Variants in ADAMTSL1 observed in about 807,000 individuals in gnomAD.
ADAMTSL1 encodes ADAMTS-like protein 1.
A neutral mutation model predicts 201.8 loss-of-function variants in ADAMTSL1; 126 were observed. The ratio of observed to expected loss-of-function variants is 0.62; its 90% CI spans 0.54 to 0.72. The LOEUF (loss-of-function observed/expected upper bound fraction) is 0.72. Among genes scored for constraint, ADAMTSL1 ranks in the 30% least tolerant of loss-of-function variants. The pLI, the probability that ADAMTSL1 is intolerant of heterozygous loss-of-function variation, is 0.00. For synonymous variants in ADAMTSL1, 1,121 were observed against 903.4 expected (o/e 1.24, Z -4.32); for missense variants, 2,679 against 2,277.8 (o/e 1.18, Z -3.59).
chr9:18,618,145 T>C (rs1463395083), intron 4 of ADAMTSL1, among the ~76,000 whole-genome samples: 1 of 152,204 alleles, frequency 6.6e-6, no homozygotes, highest in Non-Finnish European at 1.5e-5. Context: ...GCAATTCTTG[T>C]TGATGCATCA....
chr9:18,800,861 C>G (rs113922462), intron 20 of ADAMTSL1, among the ~76,000 whole-genome samples: 5 of 152,076 alleles, frequency 3.3e-5, no homozygotes, highest in Non-Finnish European at 7.4e-5. Flanking sequence ...GTGGAACATG[C>G]GAAGAATTTG....
intron 3 of ADAMTSL1, among the ~76,000 whole-genome samples, chr9:18,543,570 A>C (rs78153074): frequency 6.6e-6 from 1 of 152,216 alleles, no homozygotes; most frequent in Non-Finnish European, 1.5e-5. Flanking sequence ...TTCAAAACAC[A>C]TCATTTCTTT....
chr9:18,486,183 C>T (rs1261052069), intron 1 of ADAMTSL1, among the ~76,000 whole-genome samples: 1 of 152,134 alleles, frequency 6.6e-6, no homozygotes, highest in Non-Finnish European at 1.5e-5. Context: ...TTATTCAAGG[C>T]CTCCCAGTTA....
chr9:17,928,598 A>G (rs1199671710), intron 1 of ADAMTSL1, among the ~76,000 whole-genome samples: 3 of 152,132 alleles, frequency 2.0e-5, no homozygotes, highest in South Asian at 2.1e-4. Flanking sequence ...TCAACAATCC[A>G]GGAGCATGAC....
chr9:18,431,462 T>C, intron 2 of ADAMTSL1, among the ~76,000 whole-genome samples: 1 of 152,164 alleles, frequency 6.6e-6, no homozygotes, highest in Non-Finnish European at 1.5e-5. Flanking sequence ...AAGACCCAGA[T>C]TTCTGAAATT....
At chr9:18,245,041 T>C (rs1831207193) in intron 2 of ADAMTSL1, among the ~76,000 whole-genome samples, 1 of 152,186 alleles carries the variant, frequency 6.6e-6, no homozygotes, top group African/African-American at 2.4e-5. Flanking sequence ...AGTTTGTATC[T>C]GACGAAGACC....
chr9:18,642,408 C>T (rs1219480773), intron 7 of ADAMTSL1, among the ~76,000 whole-genome samples: 1 of 151,982 alleles, frequency 6.6e-6, no homozygotes, highest in Non-Finnish European at 1.5e-5. Context: ...ATATGTGTTA[C>T]TTCACATATT....
chr9:18,724,578 C>T (rs947492348), intron 15 of ADAMTSL1, among the ~76,000 whole-genome samples: 4 of 152,186 alleles, frequency 2.6e-5, no homozygotes, highest in African/African-American at 9.7e-5. Flanking sequence ...TAGTCATTTT[C>T]TGTTAGAAGA....
chr9:18,303,833 G>C lies in ADAMTSL1; in HGVS notation c.207+139852G>C, dbSNP rs142356353. On this transcript the variant is annotated intron_variant, in intron 2 of 29. Transcript: ENST00000680146. ...AATGCTGGAGTCCATTTGCTATTTT[G>C]ACCTGGGCTTGGAATATCCTGCTTT... 8.2e-3 allele frequency among the ~76,000 whole-genome samples: 1,248 copies of C among 152,174 alleles called. 19 individuals are homozygous for C. The highest frequency in any genetic ancestry group is 0.042 in the South Asian group (204 of 4,816).
chr9:18,796,216 C>T (rs2133844873), intron 20 of ADAMTSL1, among the ~76,000 whole-genome samples: 1 of 152,302 alleles, frequency 6.6e-6, no homozygotes, highest in Non-Finnish European at 1.5e-5. Flanking sequence ...GGAAAGAGAA[C>T]TTAGATACCA....
In ADAMTSL1 at chr9:18,877,356, A is replaced by G. The variant is rs189155788; in HGVS notation, c.4250-10475A>G. Among the ~76,000 whole-genome samples the G allele has an allele frequency of 2.9e-3, 447 of 152,174 alleles. 6 individuals are homozygous for G. Among genetic ancestry groups the G allele is most frequent in the African/African-American group, 9.9e-3 (413 of 41,512 alleles). ...TTCTGGTTCCTTTTCATTTGGGTAGACTATGTCAGAGGGAAGATCTGGGGC... is the reference window on the plus strand; with the variant it reads ...TTCTGGTTCCTTTTCATTTGGGTAGGCTATGTCAGAGGGAAGATCTGGGGC... On this transcript the variant is annotated intron_variant, in intron 23 of 28. Coordinates refer to ENST00000380548, the MANE Select transcript of ADAMTSL1 (RefSeq NM_001040272.6).
At chr9:18,731,748 GC>G (rs1273393638) in intron 15 of ADAMTSL1, among the ~76,000 whole-genome samples, 1 of 152,192 alleles carries the variant, frequency 6.6e-6, no homozygotes, top group East Asian at 1.9e-4. Context: ...AGCAGGGGTA[GC>G]ATGGGCTACT....
intron 2 of ADAMTSL1, among the ~76,000 whole-genome samples, chr9:18,216,703 C>T (rs1388291577): frequency 7.4e-6 from 1 of 135,716 alleles, no homozygotes; most frequent in East Asian, 2.2e-4. Context: ...TCATAATTCT[C>T]TTCCATTTTC....
intron 1 of ADAMTSL1, among the ~76,000 whole-genome samples, chr9:18,039,325 A>G (rs535116594): frequency 2.2e-4 from 34 of 152,296 alleles, no homozygotes; most frequent in African/African-American, 7.7e-4. Flanking sequence ...TCACATTGAC[A>G]GATTAAAGAC....
intron 1 of ADAMTSL1, among the ~76,000 whole-genome samples, chr9:17,943,205 G>A (rs1207169599): frequency 6.6e-6 from 1 of 152,070 alleles, no homozygotes; most frequent in Admixed American, 6.6e-5. Context: ...GCCTCCCAAA[G>A]TGCTGGGATT....
At chr9:18,513,886 A>G (rs1228046845) in intron 2 of ADAMTSL1, among the ~76,000 whole-genome samples, 1 of 152,112 alleles carries the variant, frequency 6.6e-6, no homozygotes, top group Non-Finnish European at 1.5e-5. Context: ...ATACTATTTT[A>G]ATTTCTGTAG....
chr9:18,151,884 G>T (rs749510509), intron 1 of ADAMTSL1, among the ~76,000 whole-genome samples: 2 of 151,998 alleles, frequency 1.3e-5, no homozygotes, highest in Non-Finnish European at 2.9e-5. Context: ...CCCCTTGCCA[G>T]TCTTCTTTAC....
chr9:18,736,291 G>A (rs1035427341), intron 15 of ADAMTSL1, among the ~76,000 whole-genome samples: 10 of 152,190 alleles, frequency 6.6e-5, no homozygotes, highest in African/African-American at 2.4e-4. Context: ...AGTGAGGGGA[G>A]ACAAGTGAGT....
chr9:18,168,696 G>A (rs979324726), intron 2 of ADAMTSL1, among the ~76,000 whole-genome samples: 24 of 146,176 alleles, frequency 1.6e-4, no homozygotes, highest in East Asian at 8.2e-4. Flanking sequence ...CTGAGGAATC[G>A]CCACACTGAC....
Sources: allele counts gnomAD v4.1 joint callset (sites outside exome capture counted in the v4.1 genomes callset), GRCh38; gene constraint gnomAD v4.1.1; transcripts MANE v1.5; gene names NCBI Gene and HGNC (gene_info 2026-07-23, HGNC 2026-07-21).